Variants in SRGAP3 observed in about 807,000 individuals in gnomAD.
SRGAP3 encodes the protein SLIT-ROBO Rho GTPase-activating protein 3.
SRGAP3 carries 39 observed loss-of-function variants against 121.1 expected under a neutral mutation model. The observed-to-expected ratio is 0.32, with a 90% CI of 0.25 to 0.42. The LOEUF is 0.42. Ranked by LOEUF, SRGAP3 falls within the 10% of genes least tolerant of loss-of-function variation. The pLI is 1.00. For synonymous variants in SRGAP3, 601 were observed against 570.0 expected, an observed-to-expected ratio of 1.05 and a Z score of -0.77; for missense variants, 1,213 against 1,470.6, an observed-to-expected ratio of 0.82 and a Z score of 2.86.
chr3:8,993,768 GT>G lies in SRGAP3; in HGVS notation c.2408+574del, dbSNP rs535131666. On this transcript the variant is annotated intron_variant, in intron 19 of 21. Coordinates refer to ENST00000383836, the MANE Select transcript of SRGAP3 (RefSeq NM_014850.4). ...TGGTGGCTGCCTCTATGGTAAATCT[GT>G]TCTGCCGAGCCTGACCAGAGCTCCC... is the stretch of plus-strand genomic sequence containing the variant. Among the ~76,000 whole-genome samples the G allele has an allele frequency of 5.3e-5, 8 of 152,248 alleles. No individual in the cohort carries two copies. The East Asian group carries it at 9.7e-4, about 18-fold the overall frequency.
intron 14 of SRGAP3, among the ~76,000 whole-genome samples, chr3:9,025,003 T>G (rs1053888347): frequency 1.3e-5 from 2 of 151,954 alleles, no homozygotes; most frequent in Non-Finnish European, 2.9e-5. Context: ...GGTAGGTAAA[T>G]GTTGAACAGT....
rs546061829 is a variant in SRGAP3, at chr3:8,990,973, A to G, written c.2559-134T>C. On this transcript the variant is annotated intron_variant, in intron 20 of 21. Transcript: ENST00000383836. ...GGGTACAGTAAAGCCTCATTCAGCC[A>G]GACCCTACAATTCCATAATGAAAGA... is the stretch of plus-strand genomic sequence containing the variant. 1.4e-5 allele frequency: 10 copies of G among 739,574 alleles called. No individual in the cohort carries two copies. The African/African-American group carries it at 1.8e-4, about 13-fold the overall frequency. The allele number at this position is 739,574 out of a possible 1,614,324, so 45.8% of individuals were successfully genotyped here. A position where few individuals can be genotyped will look rare whatever the true frequency, so the allele number is the denominator to read the frequency against.
At chr3:9,078,551 G>A (rs1374765993) in intron 4 of SRGAP3, among the ~76,000 whole-genome samples, 2 of 152,076 alleles carry the variant, frequency 1.3e-5, no homozygotes, top group African/African-American at 2.4e-5. Context: ...CAGAACTTCT[G>A]GTACAGAATG....
intron 17 of SRGAP3, 74 bp downstream of exon 17, chr3:9,013,234 G>A (rs1035154254): frequency 6.3e-6 from 9 of 1,435,674 alleles, no homozygotes; most frequent in Non-Finnish European, 8.7e-6. Context: ...GAAAACTGAA[G>A]GGTTTCTTAT....
intron 4 of SRGAP3, 58 bp from the exon 5 acceptor site, chr3:9,064,639 C>G: frequency 1.9e-6 from 3 of 1,592,286 alleles, no homozygotes; most frequent in Non-Finnish European, 2.6e-6. Context: ...ACGGCCCTCC[C>G]TGTTACTCCT....
chr3:9,155,043 A>T (rs1950363989), intron 1 of SRGAP3, among the ~76,000 whole-genome samples: 1 of 146,428 alleles, frequency 6.8e-6, no homozygotes, highest in Non-Finnish European at 1.5e-5. Flanking sequence ...CTCAATATTC[A>T]CTTTTCTTCT....
chr3:9,146,759 G>T (rs989260188), intron 1 of SRGAP3, among the ~76,000 whole-genome samples: 1 of 152,196 alleles, frequency 6.6e-6, no homozygotes, highest in Non-Finnish European at 1.5e-5. Context: ...GGTGCTAGAA[G>T]AGGAGCGGGA....
chr3:9,039,757 C>T (rs1194562865), intron 10 of SRGAP3, among the ~76,000 whole-genome samples: 1 of 152,218 alleles, frequency 6.6e-6, no homozygotes, highest in Non-Finnish European at 1.5e-5. Flanking sequence ...CTGCATCTGG[C>T]TTCTTTCACT....
chr3:9,360,535 T>G (rs534211073), intron 1 of SRGAP3, among the ~76,000 whole-genome samples: 2 of 152,180 alleles, frequency 1.3e-5, no homozygotes, highest in Non-Finnish European at 2.9e-5. Context: ...ACACTGCTGA[T>G]AGAGACATAC....
chr3:9,135,120 G>A (rs1157883102), intron 1 of SRGAP3, among the ~76,000 whole-genome samples: 3 of 152,112 alleles, frequency 2.0e-5, no homozygotes, highest in African/African-American at 7.2e-5. Flanking sequence ...TCATTCCTCT[G>A]TTGCACTTGC....
chr3:9,092,364 G>A (rs1220424231), intron 3 of SRGAP3, among the ~76,000 whole-genome samples: 6 of 152,218 alleles, frequency 3.9e-5, no homozygotes, highest in African/African-American at 1.4e-4. Context: ...AATACTATGT[G>A]CTTATAATAC....
intron 20 of SRGAP3, among the ~76,000 whole-genome samples, 198 bp from the exon 21 acceptor site, chr3:8,991,037 A>G (rs1262433535): frequency 6.6e-6 from 1 of 152,204 alleles, no homozygotes; most frequent in South Asian, 2.1e-4. Flanking sequence ...GGGGAGGTCT[A>G]ATCTGTAAAC....
chr3:9,083,943 G>A (rs1289889879), intron 3 of SRGAP3, among the ~76,000 whole-genome samples: 1 of 152,124 alleles, frequency 6.6e-6, no homozygotes, highest in Non-Finnish European at 1.5e-5. Flanking sequence ...ATCCTTAGCT[G>A]CTGCAAAACA....
At chr3:9,160,165 A>G (rs1248298187) in intron 1 of SRGAP3, among the ~76,000 whole-genome samples, 2 of 152,322 alleles carry the variant, frequency 1.3e-5, no homozygotes, top group South Asian at 2.1e-4. Context: ...CAGATTAAAG[A>G]GTGAATAAGA....
intron 3 of SRGAP3, among the ~76,000 whole-genome samples, chr3:9,096,530 G>A (rs968249384): frequency 2.6e-5 from 4 of 152,052 alleles, no homozygotes; most frequent in African/African-American, 4.8e-5. Flanking sequence ...TTTATCAGGC[G>A]GAGTTCCTAT....
intron 11 of SRGAP3, chr3:9,035,779 G>A (rs1944715200): frequency 6.3e-6 from 1 of 159,590 alleles, no homozygotes; most frequent in East Asian, 1.5e-4. Flanking sequence ...TGCAACTAAA[G>A]GGATGTGATG....
intron 1 of SRGAP3, among the ~76,000 whole-genome samples, chr3:9,147,981 C>T (rs1182553286): frequency 6.6e-6 from 1 of 152,214 alleles, no homozygotes; most frequent in African/African-American, 2.4e-5. Context: ...GCCTCACCTC[C>T]CACGCCTGAG....
intron 1 of SRGAP3, among the ~76,000 whole-genome samples, chr3:9,358,968 G>C (rs956481243): frequency 1.3e-5 from 2 of 152,144 alleles, no homozygotes; most frequent in African/African-American, 4.8e-5. Context: ...TGTACACAGG[G>C]AGAATCACAG....
At chr3:9,221,945 C>G (rs890658572) in intron 1 of SRGAP3, among the ~76,000 whole-genome samples, 1 of 152,234 alleles carries the variant, frequency 6.6e-6, no homozygotes, top group Non-Finnish European at 1.5e-5. Flanking sequence ...CTTCTTAACT[C>G]TGTGCCTGCT....
Sources: gnomAD v4.1 joint callset for allele counts (sites outside exome capture counted in the v4.1 genomes callset) on GRCh38, gnomAD v4.1.1 for gene constraint, MANE v1.5 for transcripts, NCBI Gene and HGNC (gene_info 2026-07-23, HGNC 2026-07-21) for gene names.